CELF2: variants seen among roughly 807,000 people sequenced by gnomAD.
CELF2 encodes CUG triplet repeat RNA-binding protein 2.
A neutral mutation model predicts 62.6 loss-of-function variants in CELF2; 8 were observed. That is an observed-to-expected ratio of 0.13 (90% CI 0.07 to 0.23). The LOEUF (loss-of-function observed/expected upper bound fraction) is 0.23. Among genes scored for constraint, CELF2 ranks in the 10% least tolerant of loss-of-function variants. CELF2 has a pLI of 1.00. For synonymous variants in CELF2, 258 were observed against 250.0 expected (o/e 1.03, Z -0.30); for missense variants, 333 against 671.0 (o/e 0.50, Z 5.56).
the CELF2 span, among the ~76,000 whole-genome samples, chr10:10,723,014 A>G: frequency 6.6e-6 from 1 of 152,240 alleles, no homozygotes; most frequent in African/African-American, 2.4e-5. Flanking sequence ...GAACATCTAC[A>G]AAATTGATTC....
chr10:10,484,595 G>A, the CELF2 span, among the ~76,000 whole-genome samples: 1,362 of 151,714 alleles, frequency 9.0e-3, 15 homozygotes, highest in Middle Eastern at 0.017. Context: ...GGGATTACAG[G>A]CATGAGCCAC....
chr10:11,111,408 G>T (rs888932547), intron 1 of CELF2, among the ~76,000 whole-genome samples: 6 of 152,178 alleles, frequency 3.9e-5, no homozygotes, highest in Non-Finnish European at 8.8e-5. Context: ...AGTTAAAAAT[G>T]ATTCATAAGA....
At chr10:11,058,899 G>T (rs2066012506) in intron 1 of CELF2, among the ~76,000 whole-genome samples, 1 of 152,144 alleles carries the variant, frequency 6.6e-6, no homozygotes, top group Non-Finnish European at 1.5e-5. Flanking sequence ...TTCTGCCTCA[G>T]TCTCCTGAGT....
the CELF2 span, among the ~76,000 whole-genome samples, chr10:10,611,267 T>C: frequency 2.0e-5 from 3 of 152,158 alleles, no homozygotes; most frequent in Non-Finnish European, 4.4e-5. Context: ...CAACCTATCA[T>C]GGGTCATAAA....
At chr10:10,765,360 T>C in the CELF2 span, among the ~76,000 whole-genome samples, 1 of 152,222 alleles carries the variant, frequency 6.6e-6, no homozygotes, top group East Asian at 1.9e-4. Flanking sequence ...TTGAGTTCTG[T>C]CTGCGGGAAG....
intron 3 of CELF2, among the ~76,000 whole-genome samples, chr10:11,233,852 T>A (rs1449258212): frequency 6.6e-6 from 1 of 152,212 alleles, no homozygotes; most frequent in Non-Finnish European, 1.5e-5. Flanking sequence ...TTTGGGAGGT[T>A]ATCCCTGTAA....
intron 1 of CELF2, among the ~76,000 whole-genome samples, chr10:11,149,728 T>C (rs1014573419): frequency 2.0e-5 from 3 of 152,194 alleles, no homozygotes; most frequent in Admixed American, 1.3e-4. Context: ...ATCACGATTC[T>C]TTGGGTTGCT....
At chr10:11,123,312 A>G (rs984120138) in intron 1 of CELF2, among the ~76,000 whole-genome samples, 5 of 152,102 alleles carry the variant, frequency 3.3e-5, no homozygotes, top group African/African-American at 7.2e-5. Flanking sequence ...ATACCATGAC[A>G]CAATCCTAGC....
chr10:10,889,598 G>A (rs1053838676), intron 1 of CELF2, among the ~76,000 whole-genome samples: 108 of 152,310 alleles, frequency 7.1e-4, no homozygotes, highest in African/African-American at 2.2e-3. Context: ...AGCCGTCTCT[G>A]ACCCATGTCA....
At chr10:10,844,626 A>C (rs1375522846) in intron 1 of CELF2, among the ~76,000 whole-genome samples, 1 of 152,122 alleles carries the variant, frequency 6.6e-6, no homozygotes, top group Non-Finnish European at 1.5e-5. Context: ...CAAATTAACA[A>C]ATGCCTTATG....
the CELF2 span, among the ~76,000 whole-genome samples, chr10:10,747,854 G>C: frequency 6.6e-6 from 1 of 151,696 alleles, no homozygotes; most frequent in Non-Finnish European, 1.5e-5. Context: ...CTACAGGCAT[G>C]TGCCACCACG....
At chr10:11,111,521 A>G (rs2055161000) in intron 1 of CELF2, among the ~76,000 whole-genome samples, 1 of 152,208 alleles carries the variant, frequency 6.6e-6, no homozygotes, top group Non-Finnish European at 1.5e-5. Context: ...GAGGAAGGCT[A>G]TTGTCAGTCA....
At chr10:10,716,136 A>T in the CELF2 span, among the ~76,000 whole-genome samples, 2 of 152,232 alleles carry the variant, frequency 1.3e-5, no homozygotes, top group Non-Finnish European at 2.9e-5. Context: ...GTAAATCCTG[A>T]TACCGTCAGC....
chr10:10,608,382 G>A, the CELF2 span, among the ~76,000 whole-genome samples: 1 of 152,136 alleles, frequency 6.6e-6, no homozygotes, highest in African/African-American at 2.4e-5. Context: ...TCATCCTTAG[G>A]ACTGTCCATT....
intron 2 of CELF2, among the ~76,000 whole-genome samples, chr10:11,189,924 T>A (rs2075908906): frequency 6.6e-6 from 1 of 152,222 alleles, no homozygotes; most frequent in Non-Finnish European, 1.5e-5. Context: ...TTCCCTTCAT[T>A]ACCTTCATTT....
chr10:10,598,428 CA>C, the CELF2 span, among the ~76,000 whole-genome samples: 2 of 152,246 alleles, frequency 1.3e-5, no homozygotes, highest in Non-Finnish European at 2.9e-5. Context: ...GCTGGGCAGC[CA>C]TATTAATCAG....
At chr10:10,812,917 T>A (rs2056072427) in intron 1 of CELF2, among the ~76,000 whole-genome samples, 1 of 152,194 alleles carries the variant, frequency 6.6e-6, no homozygotes, top group African/African-American at 2.4e-5. Context: ...GAAACCCACA[T>A]ATTCCTCATT....
intron 1 of CELF2, among the ~76,000 whole-genome samples, chr10:10,813,310 G>T (rs991449833): frequency 6.6e-6 from 1 of 152,170 alleles, no homozygotes; most frequent in Non-Finnish European, 1.5e-5. Context: ...CATCCAGGGT[G>T]CAGGTGTTTC....
chr10:11,215,211 A>T (rs1028724841), intron 2 of CELF2, among the ~76,000 whole-genome samples: 3 of 152,132 alleles, frequency 2.0e-5, no homozygotes, highest in Admixed American at 6.5e-5. Flanking sequence ...CATGGCAGGG[A>T]TTTTGCTTGG....
Sources: allele counts gnomAD v4.1 joint callset (sites outside exome capture counted in the v4.1 genomes callset), GRCh38; gene constraint gnomAD v4.1.1; transcripts MANE v1.5; gene names NCBI Gene and HGNC (gene_info 2026-07-23, HGNC 2026-07-21).